Variants in POU6F2 observed in about 807,000 individuals in gnomAD.
The protein encoded by POU6F2 is POU domain, class 6, transcription factor 2.
POU6F2 carries 31 observed loss-of-function variants against 71.3 expected under a neutral mutation model. The observed-to-expected ratio is 0.43, with a 90% confidence interval of 0.33 to 0.59. The LOEUF (loss-of-function observed/expected upper bound fraction) is 0.59, where lower values mean the gene tolerates loss of function less well. Ranked by LOEUF, POU6F2 falls within the 20% of genes least tolerant of loss-of-function variation. POU6F2 has a pLI of 0.04. For synonymous variants in POU6F2, 347 were observed against 355.7 expected, an observed-to-expected ratio of 0.98 and a Z score of 0.27; for missense variants, 783 against 856.8, an observed-to-expected ratio of 0.91 and a Z score of 1.07.
intron 7 of POU6F2, among the ~76,000 whole-genome samples, chr7:39,436,008 CT>C (rs534849747): frequency 4.7e-4 from 71 of 152,322 alleles, no homozygotes; most frequent in African/African-American, 1.6e-3. Flanking sequence ...CAGTACCACA[CT>C]ATTTTAGTTA....
At chr7:39,025,527 G>A (rs1584506067) in intron 1 of POU6F2, among the ~76,000 whole-genome samples, 1 of 152,112 alleles carries the variant, frequency 6.6e-6, no homozygotes, top group Non-Finnish European at 1.5e-5. Context: ...AAATGGTGCT[G>A]GGAAAACTGG....
At chr7:39,082,530 A>C (rs1791141824) in intron 1 of POU6F2, among the ~76,000 whole-genome samples, 1 of 152,104 alleles carries the variant, frequency 6.6e-6, no homozygotes, top group Non-Finnish European at 1.5e-5. Context: ...ACATTTCTAC[A>C]AGCACCTACG....
intron 1 of POU6F2, among the ~76,000 whole-genome samples, chr7:38,998,638 T>G (rs1435402572): frequency 6.6e-6 from 1 of 150,412 alleles, no homozygotes; most frequent in Non-Finnish European, 1.5e-5. Context: ...GTAAAGATAT[T>G]CTTGGTGTTA....
intron 2 of POU6F2, among the ~76,000 whole-genome samples, chr7:39,108,316 G>A (rs953874): frequency 0.28 from 42,353 of 150,398 alleles, 6,200 homozygotes; most frequent in East Asian, 0.56. Flanking sequence ...TCTCTCCTTT[G>A]ATGATCCCAA....
intron 2 of POU6F2, among the ~76,000 whole-genome samples, chr7:39,172,831 G>A (rs1793249241): frequency 6.6e-6 from 1 of 152,066 alleles, no homozygotes. Context: ...ATGTTGCCCA[G>A]GCTGGTCTTG....
intron 1 of POU6F2, among the ~76,000 whole-genome samples, chr7:39,008,680 AT>A (rs1231377622): frequency 2.0e-5 from 3 of 150,094 alleles, no homozygotes; most frequent in East Asian, 2.0e-4. Context: ...TCTTTAATCC[AT>A]CTTGAATTGA....
At chr7:39,279,992 G>T (rs979088887) in intron 4 of POU6F2, among the ~76,000 whole-genome samples, 2 of 152,016 alleles carry the variant, frequency 1.3e-5, no homozygotes, top group African/African-American at 4.8e-5. Context: ...TGATTAGCCT[G>T]CCTTGGCCTC....
chr7:39,321,834 A>G (rs1785398929), intron 4 of POU6F2, among the ~76,000 whole-genome samples: 2 of 151,950 alleles, frequency 1.3e-5, no homozygotes, highest in South Asian at 2.1e-4. Flanking sequence ...GAGAAAGAGA[A>G]GTAGGGGAGG....
intron 1 of POU6F2, among the ~76,000 whole-genome samples, chr7:39,038,723 G>C (rs1584512207): frequency 6.6e-6 from 1 of 152,074 alleles, no homozygotes; most frequent in Admixed American, 6.6e-5. Context: ...ACCCACTGTA[G>C]TTCTTGCTGA....
In POU6F2 at chr7:39,315,750, G is replaced by A. The variant is rs1235581807; in HGVS notation, c.599-23892G>A. ...GCAGTAGGTTGGGGAGAAAGAAAAG[G>A]AAAGAATGAACACGTTCAGTGTTTC... On this transcript the variant is annotated intron_variant, in intron 4 of 9. Coordinates refer to ENST00000518318, the MANE Select transcript of POU6F2 (RefSeq NM_001370959.1). 2.0e-5 allele frequency among the ~76,000 whole-genome samples: 3 copies of A among 152,318 alleles called. No individual in the cohort carries two copies. The East Asian group carries it at 5.8e-4, about 29-fold the overall frequency.
intron 2 of POU6F2, among the ~76,000 whole-genome samples, chr7:39,185,626 C>A (rs761725924): frequency 1.6e-4 from 24 of 152,106 alleles, no homozygotes; most frequent in Non-Finnish European, 3.2e-4. Context: ...CCTAGATCCT[C>A]TTTCAGGTGA....
chr7:39,252,521 A>T (rs768306422), intron 4 of POU6F2, among the ~76,000 whole-genome samples: 12 of 152,156 alleles, frequency 7.9e-5, no homozygotes, highest in Admixed American at 3.3e-4. Flanking sequence ...TGCCACTGTG[A>T]AATGAAAAGC....
intron 4 of POU6F2, among the ~76,000 whole-genome samples, chr7:39,249,300 C>G (rs969258481): frequency 6.6e-6 from 1 of 152,220 alleles, no homozygotes; most frequent in South Asian, 2.1e-4. Context: ...CTCCACTTAA[C>G]AGATGCTATT....
At chr7:39,008,997 G>A (rs1562666485) in intron 1 of POU6F2, among the ~76,000 whole-genome samples, 1 of 152,092 alleles carries the variant, frequency 6.6e-6, no homozygotes, top group Non-Finnish European at 1.5e-5. Flanking sequence ...GATTGACTTG[G>A]CGATGCAGGC....
intron 4 of POU6F2, among the ~76,000 whole-genome samples, chr7:39,289,901 G>A (rs1784719153): frequency 6.6e-6 from 1 of 152,144 alleles, no homozygotes; most frequent in Non-Finnish European, 1.5e-5. Flanking sequence ...TCAGTAGTGT[G>A]AGCAGTGTTG....
intron 4 of POU6F2, among the ~76,000 whole-genome samples, chr7:39,228,694 G>A (rs1184826329): frequency 6.6e-6 from 1 of 152,182 alleles, no homozygotes; most frequent in African/African-American, 2.4e-5. Context: ...ATATACTGGA[G>A]TAAATGTAAT....
chr7:39,077,144 C>T (rs1464466853), intron 1 of POU6F2, among the ~76,000 whole-genome samples: 3 of 152,292 alleles, frequency 2.0e-5, no homozygotes, highest in East Asian at 3.9e-4. Flanking sequence ...AACCCCATTA[C>T]CAAAAGACCA....
At chr7:39,017,813 CGTGTGTGT>C (rs70977447) in intron 1 of POU6F2, among the ~76,000 whole-genome samples, 7 of 147,924 alleles carry the variant, frequency 4.7e-5, no homozygotes, top group Non-Finnish European at 1.0e-4. Flanking sequence ...ATTGTGCATG[CGTGTGTGT>C]GTGTGTGTGT....
intron 5 of POU6F2, among the ~76,000 whole-genome samples, chr7:39,394,721 G>A (rs1237958788): frequency 6.6e-6 from 1 of 152,080 alleles, no homozygotes; most frequent in Admixed American, 6.5e-5. Flanking sequence ...CAATTGGTCT[G>A]TGATTTATCC....
Sources: allele counts gnomAD v4.1 joint callset (sites outside exome capture counted in the v4.1 genomes callset), GRCh38; gene constraint gnomAD v4.1.1; transcripts MANE v1.5; gene names NCBI Gene and HGNC (gene_info 2026-07-23, HGNC 2026-07-21).